FGD3: variants seen among roughly 807,000 people sequenced by gnomAD.
The protein encoded by FGD3 is FYVE, RhoGEF and PH domain-containing protein 3.
Under a neutral mutation model 71.8 loss-of-function variants are expected in FGD3, and 45 were observed. The observed-to-expected ratio is 0.63, with a 90% CI of 0.49 to 0.80. FGD3 has a LOEUF of 0.80. Ranked by LOEUF, FGD3 falls within the 30% of genes least tolerant of loss-of-function variation. FGD3 has a pLI of 0.00. For synonymous variants in FGD3, 378 were observed against 392.8 expected (o/e 0.96, Z 0.44); for missense variants, 844 against 951.5 (o/e 0.89, Z 1.49).
chr9:93,003,074 G>A lies in FGD3; in HGVS notation c.543+60G>A, dbSNP rs1860919386. 3 of 1,491,762 alleles carry A rather than the reference G, an allele frequency of 2.0e-6. No homozygotes were observed. The highest frequency in any genetic ancestry group is 2.8e-6 in the Non-Finnish European group (3 of 1,071,510). 92.4% of individuals were successfully genotyped at this position (1,491,762 alleles called of 1,614,324 possible). On this transcript the variant is annotated intron_variant, in intron 4 of 17. Coordinates refer to ENST00000375482, the MANE Select transcript of FGD3 (RefSeq NM_001083536.2). This position sits in a 1 kb window ranked among gnomAD's most constrained non-coding sequence, Gnocchi z 4.1. ...TCTTAGCATTGGCTGGGCATTATAG[G>A]TGCAGTGTGAATGACTTAAATACTA...
chr9:93,033,374 T>TCTCCCTCCTTCCC (rs1862446471), intron 16 of FGD3: 1 of 178,108 alleles, frequency 5.6e-6, no homozygotes. Context: ...CCCTCCTTCC[T>TCTCCCTCCTTCCC]CTCCCTCCGC....
In FGD3 at chr9:93,011,282, G is replaced by A. The variant is rs1378428010; in HGVS notation, c.1035+10G>A. ...TGCCATTCGGAAAGTGGTGAGTGTG[G>A]GGCTCCAGTGGCGACCGGCAGGGTG... is the stretch of plus-strand genomic sequence containing the variant. On this transcript the variant is annotated intron_variant, in intron 8 of 17. Coordinates refer to ENST00000375482, the MANE Select transcript of FGD3 (RefSeq NM_001083536.2). 1 of 1,614,124 alleles carries A rather than the reference G, an allele frequency of 6.2e-7. No individual in the cohort carries two copies. The highest frequency in any genetic ancestry group is 8.5e-7 in the Non-Finnish European group (1 of 1,179,992).
chr9:93,015,011 C>T (rs1261548002), intron 9 of FGD3, among the ~76,000 whole-genome samples: 1 of 151,118 alleles, frequency 6.6e-6, no homozygotes, highest in African/African-American at 2.4e-5. Context: ...CGCTCGCCTG[C>T]CCTGGCAACC....
At chr9:92,989,890 T>G (rs77612105) in intron 3 of FGD3, among the ~76,000 whole-genome samples, 1 of 148,926 alleles carries the variant, frequency 6.7e-6, no homozygotes, top group East Asian at 2.0e-4. Context: ...GGGTCCTGTG[T>G]TTTTTTTTTC....
At chr9:92,953,862 C>T (rs879690513) in intron 1 of FGD3, among the ~76,000 whole-genome samples, 2 of 152,220 alleles carry the variant, frequency 1.3e-5, no homozygotes, top group Non-Finnish European at 2.9e-5. Context: ...TTCTCAACCA[C>T]ATCTTTCATT....
intron 15 of FGD3, among the ~76,000 whole-genome samples, chr9:93,031,582 A>G (rs1419652825): frequency 1.3e-5 from 2 of 152,218 alleles, no homozygotes; most frequent in African/African-American, 4.8e-5. Flanking sequence ...TGCTCATAAA[A>G]GGAGGACTCC....
intron 1 of FGD3, among the ~76,000 whole-genome samples, chr9:92,956,742 G>A (rs35031762): frequency 0.039 from 5,931 of 151,928 alleles, 178 homozygotes; most frequent in Middle Eastern, 0.088. Context: ...GGGCACCTCT[G>A]TTCTGACTTC....
intron 1 of FGD3, among the ~76,000 whole-genome samples, chr9:92,954,049 A>G (rs2118498977): frequency 6.6e-6 from 1 of 152,358 alleles, no homozygotes; most frequent in East Asian, 1.9e-4. Context: ...TGTTCTACGT[A>G]GAAATTTATA....
At chr9:92,993,632 C>T (rs532908336) in intron 3 of FGD3, among the ~76,000 whole-genome samples, 1 of 152,278 alleles carries the variant, frequency 6.6e-6, no homozygotes, top group East Asian at 1.9e-4. Context: ...TACCCCATGA[C>T]AGGCCCTAGT....
intron 10 of FGD3, 59 bp downstream of exon 10, chr9:93,015,888 G>A: frequency 6.6e-7 from 1 of 1,503,922 alleles, no homozygotes; most frequent in South Asian, 1.1e-5. Context: ...AGCAGGACTG[G>A]GGACACCAGG....
chr9:93,011,411 T>C (rs950513784), intron 8 of FGD3, 139 bp downstream of exon 8: 14 of 1,013,658 alleles, frequency 1.4e-5, no homozygotes, highest in Admixed American at 2.1e-5. Context: ...TCCACCCCCA[T>C]CCCCAGGGGG....
chr9:92,977,707 A>T (rs929412400), intron 3 of FGD3, among the ~76,000 whole-genome samples: 27 of 152,186 alleles, frequency 1.8e-4, no homozygotes, highest in African/African-American at 6.3e-4. Context: ...CCGTGAGGCC[A>T]CAGGGAAGCC....
At chr9:93,009,477 G>A (rs1018281380) in intron 6 of FGD3, among the ~76,000 whole-genome samples, 2 of 152,180 alleles carry the variant, frequency 1.3e-5, no homozygotes, top group Admixed American at 6.5e-5. Context: ...GGTGGGTGGG[G>A]AAGCTGGTGG....
chr9:93,016,287 C>T (rs566100163), intron 10 of FGD3, among the ~76,000 whole-genome samples: 5 of 150,540 alleles, frequency 3.3e-5, no homozygotes, highest in South Asian at 4.2e-4. Flanking sequence ...GCACCGGAGC[C>T]GGGGGGAGGG....
chr9:93,029,482 G>A (rs990203085), intron 14 of FGD3, among the ~76,000 whole-genome samples: 2 of 152,220 alleles, frequency 1.3e-5, no homozygotes, highest in African/African-American at 2.4e-5. Flanking sequence ...TCCAGTTGCA[G>A]ACAGGGATGC....
Position 93,034,623 on chromosome 9 carries a change from T to C in FGD3, c.1868T>C (p.Val623Ala). 6.2e-7 allele frequency: 1 copy of C among 1,613,190 alleles called. No individual in the cohort carries two copies. The highest frequency in any genetic ancestry group is 8.5e-7 in the Non-Finnish European group (1 of 1,179,802). Residue 623 changes from valine to alanine, a missense_variant, in exon 17 of 18, where the codon GTG becomes GCG. Transcript: ENST00000375482. ...GAGAGCGGTGAGACCTGGAGCGAGG[T>C]GTGGGCCGCCATCCCCATGTCAGAT... ...LSESGETWSE[V>A]WAAIPMSDPQ...
chr9:92,994,427 C>T (rs1466542579), intron 3 of FGD3, among the ~76,000 whole-genome samples: 2 of 151,592 alleles, frequency 1.3e-5, no homozygotes, highest in Admixed American at 6.6e-5. Flanking sequence ...TGCCTGTTCA[C>T]TCTGATGGTA....
intron 1 of FGD3, among the ~76,000 whole-genome samples, chr9:92,966,237 G>A (rs966838733): frequency 6.6e-6 from 1 of 152,168 alleles, no homozygotes; most frequent in African/African-American, 2.4e-5. Flanking sequence ...TAGCTGCAAG[G>A]ACAGTGCAGG....
At chr9:93,010,456 GGA>G (rs36150183) in intron 7 of FGD3, 72 bp downstream of exon 7, 43 of 1,467,652 alleles carry the variant, frequency 2.9e-5, no homozygotes, top group Middle Eastern at 2.1e-4. Context: ...GGGGAGAGAG[GGA>G]GAGAGAGAGT....
Sources: allele counts gnomAD v4.1 joint callset (sites outside exome capture counted in the v4.1 genomes callset), GRCh38; gene constraint gnomAD v4.1.1; non-coding constraint Gnocchi (gnomAD v3.1); transcripts MANE v1.5; gene names NCBI Gene and HGNC (gene_info 2026-07-23, HGNC 2026-07-21).